NEURL4: variants seen among roughly 807,000 people sequenced by gnomAD.
The protein encoded by NEURL4 is neuralized-like protein 4.
A neutral mutation model predicts 148.0 loss-of-function variants in NEURL4; 45 were observed. The ratio of observed to expected loss-of-function variants is 0.30; its 90% CI spans 0.24 to 0.39. The LOEUF is 0.39. NEURL4 is among the 10% of genes least tolerant of loss of function. The pLI is 1.00. For synonymous variants in NEURL4, 854 were observed against 869.0 expected, an observed-to-expected ratio of 0.98 and a Z score of 0.30; for missense variants, 1,776 against 2,144.0, an observed-to-expected ratio of 0.83 and a Z score of 3.39.
Position 7,318,771 on chromosome 17 carries a change from G to T in NEURL4, c.3685-97C>A. The T allele has an allele frequency of 7.4e-7, 1 of 1,347,172 alleles. No homozygotes were observed. The highest frequency in any genetic ancestry group is 1.0e-6 in the Non-Finnish European group (1 of 991,330). 83.5% of individuals were successfully genotyped at this position (1,347,172 alleles called of 1,614,324 possible). ...TTCCTTTTGCCAGTGCCTTGGCTTT[G>T]CCTCCATGCTTGCCCACTGCCGAGG... On this transcript the variant is annotated intron_variant, in intron 22 of 28. Transcript: ENST00000399464. This position sits in a 1 kb window ranked among gnomAD's most constrained non-coding sequence, Gnocchi z 4.3.
In NEURL4 at chr17:7,323,126, G is replaced by C; in HGVS notation, c.2418-3C>G. 2 of 1,608,610 alleles carry C rather than the reference G, an allele frequency of 1.2e-6. No homozygotes were observed. The highest frequency in any genetic ancestry group is 1.7e-6 in the Non-Finnish European group (2 of 1,176,066). ...CGTCTTGCATGATGGCTGTACCACT[G>C]GGGGGATGGCAGAAGGGGTGAGTCA... On this transcript the variant is annotated splice_polypyrimidine_tract_variant and splice_region_variant and intron_variant, in intron 14 of 28. Coordinates refer to ENST00000399464, the MANE Select transcript of NEURL4 (RefSeq NM_032442.3).
rs1396062309 is a variant in NEURL4, at chr17:7,324,353, G to C, written c.1899+42C>G. On this transcript the variant is annotated intron_variant, in intron 10 of 28. Coordinates refer to ENST00000399464, the MANE Select transcript of NEURL4 (RefSeq NM_032442.3). This position sits in a 1 kb window ranked among gnomAD's most constrained non-coding sequence, Gnocchi z 5.9. ...CCTGCATCAGCCCCGCGGTGTTTGT[G>C]ATGCCCGCTGCGGCCGCCAGGCGGC... The C allele has an allele frequency of 3.1e-6, 5 of 1,613,980 alleles. No individual in the cohort carries two copies. The South Asian group carries it at 5.5e-5, about 18-fold the overall frequency.
Position 7,315,665 on chromosome 17 carries a change from C to CA in NEURL4, c.*457dup. On this transcript the variant is annotated 3_prime_UTR_variant, in exon 29 of 29. Transcript: ENST00000399464. ...CGGTGTTTATTGGCTCCTTAGAAAT[C>CA]AGAGTCAGTAACAACTGTACAGAGG... The CA allele has an allele frequency of 5.0e-6, 2 of 403,300 alleles. No individual in the cohort carries two copies. Among genetic ancestry groups the CA allele is most frequent in the Non-Finnish European group, 8.8e-6 (2 of 228,304 alleles). 25.0% of individuals were successfully genotyped at this position (403,300 alleles called of 1,614,324 possible). A position where few individuals can be genotyped will look rare whatever the true frequency, so the allele number is the denominator to read the frequency against.
rs769326342 is a variant in NEURL4, at chr17:7,324,099, G to C, written c.2062+9C>G. 6.2e-7 allele frequency: 1 copy of C among 1,611,940 alleles called. No individual in the cohort carries two copies. Among genetic ancestry groups the C allele is most frequent in the Middle Eastern group, 1.6e-4 (1 of 6,062 alleles). Reference sequence around the variant, plus strand: ...CTAACCCCCAGCCCCAGCCCAGCCCGGCCCTCACCCACGTCGTCCACAATG... The same window carrying C: ...CTAACCCCCAGCCCCAGCCCAGCCCCGCCCTCACCCACGTCGTCCACAATG... On this transcript the variant is annotated intron_variant, in intron 11 of 28. Transcript: ENST00000399464. This position sits in a 1 kb window ranked among gnomAD's most constrained non-coding sequence, Gnocchi z 5.9.
Position 7,321,468 on chromosome 17 carries a change from G to A in NEURL4, c.3100-9C>T, listed in dbSNP as rs749716915. 3.9e-5 allele frequency: 63 copies of A among 1,613,502 alleles called. No homozygotes were observed. Among genetic ancestry groups the A allele is most frequent in the Non-Finnish European group, 4.9e-5 (58 of 1,179,700 alleles). ...CCCACACGGCTCCCCACCTAGGACC[G>A]AGGTAGGACAAGGACGGACGATGTT... On this transcript the variant is annotated splice_polypyrimidine_tract_variant and intron_variant, in intron 18 of 28. Coordinates refer to ENST00000399464, the MANE Select transcript of NEURL4 (RefSeq NM_032442.3). The surrounding 1 kb of genome is among the most constrained non-coding windows in gnomAD (Gnocchi z 6.3).
At chr17:7,320,731 A>G in intron 21 of NEURL4, 28 bp downstream of exon 21, 1 of 1,599,502 alleles carries the variant, frequency 6.3e-7, no homozygotes, top group African/African-American at 1.3e-5. Flanking sequence ...GGAGCGAGAG[A>G]AGCTGGGGAT....
At position 7,324,670 on chromosome 17, in the gene NEURL4, C is replaced by T; in HGVS notation, c.1813+129G>A. On this transcript the variant is annotated intron_variant, in intron 9 of 28. Coordinates refer to ENST00000399464, the MANE Select transcript of NEURL4 (RefSeq NM_032442.3). This position sits in a 1 kb window ranked among gnomAD's most constrained non-coding sequence, Gnocchi z 5.9. Reference sequence around the variant, plus strand: ...CAGCCACAGCCCTGCCCACGGGACACTCTCTAGCCACTGAATGAGTGGTCA... The same window carrying T: ...CAGCCACAGCCCTGCCCACGGGACATTCTCTAGCCACTGAATGAGTGGTCA... 1 of 1,154,890 alleles carries T rather than the reference C, an allele frequency of 8.7e-7. No homozygotes were observed. The highest frequency in any genetic ancestry group is 1.3e-6 in the Non-Finnish European group (1 of 794,216). 71.5% of individuals were successfully genotyped at this position (1,154,890 alleles called of 1,614,324 possible). A position where few individuals can be genotyped will look rare whatever the true frequency, so the allele number is the denominator to read the frequency against.
intron 26 of NEURL4, 39 bp downstream of exon 26, chr17:7,317,748 GA>G: frequency 1.2e-6 from 2 of 1,606,710 alleles, no homozygotes; most frequent in Non-Finnish European, 1.7e-6. Flanking sequence ...TCTCCAGGGG[GA>G]AAACAGTAGG....
In NEURL4 at chr17:7,323,934, C is replaced by G; in HGVS notation, c.2141G>C (p.Gly714Ala). Residue 714 changes from glycine to alanine, a missense_variant, in exon 12 of 29, where the codon GGC (glycine) becomes GCC (alanine). Coordinates refer to ENST00000399464, the MANE Select transcript of NEURL4 (RefSeq NM_032442.3). ...SPSSPSSGAG[G>A]SDLRFHQLHG... ...CAGCTGATGGAAGCGCAGGTCAGAG[C>G]CCCCGGCCCCTGAGGACGGAGAGCT... 1 of 1,612,958 alleles carries G rather than the reference C, an allele frequency of 6.2e-7. No individual in the cohort carries two copies. The highest frequency in any genetic ancestry group is 8.5e-7 in the Non-Finnish European group (1 of 1,179,906).
At chr17:7,317,640 A>C in intron 26 of NEURL4, 67 bp from the exon 27 acceptor site, 1 of 1,570,682 alleles carries the variant, frequency 6.4e-7, no homozygotes, top group South Asian at 1.1e-5. Context: ...GAGCTTCACG[A>C]GGCTCTTCCT....
Position 7,326,617 on chromosome 17 carries a change from C to G in NEURL4, c.1093-69G>C. 4 of 1,603,728 alleles carry G rather than the reference C, an allele frequency of 2.5e-6. No individual in the cohort carries two copies. Among genetic ancestry groups the G allele is most frequent in the Non-Finnish European group, 3.4e-6 (4 of 1,171,498 alleles). On this transcript the variant is annotated intron_variant, in intron 4 of 28. Transcript: ENST00000399464. The surrounding 1 kb of genome is among the most constrained non-coding windows in gnomAD (Gnocchi z 6.0). The stretch of plus-strand genomic sequence containing the variant: ...AGAAAGGGACCTTCAGCCCTTGGTT[C>G]TTCCCCAGGGCCCACCCTCCTAGCA...
At chr17:7,323,410 G>T in intron 14 of NEURL4, 75 bp downstream of exon 14, 1 of 1,479,800 alleles carries the variant, frequency 6.8e-7, no homozygotes, top group Non-Finnish European at 9.4e-7. Context: ...AGCCACCATA[G>T]GCCCAAACCT....
intron 28 of NEURL4, among the ~76,000 whole-genome samples, chr17:7,316,916 C>CA (rs972949030): frequency 2.0e-5 from 3 of 150,230 alleles, no homozygotes; most frequent in Non-Finnish European, 3.0e-5. Flanking sequence ...GACTCCGTCT[C>CA]AAAAAAAATA....
intron 1 of NEURL4, among the ~76,000 whole-genome samples, chr17:7,328,458 C>CA (rs2143013835): frequency 6.6e-6 from 1 of 152,310 alleles, no homozygotes; most frequent in East Asian, 1.9e-4. Context: ...GGCTGGAGTG[C>CA]AATGGCATGA....
intron 20 of NEURL4, 65 bp from the exon 21 acceptor site, chr17:7,320,988 A>T: frequency 2.5e-6 from 4 of 1,601,412 alleles, no homozygotes; most frequent in Non-Finnish European, 3.4e-6. Context: ...ACCCCACTGG[A>T]GTTTGCACAG....
chr17:7,322,935 G>T lies in NEURL4; in HGVS notation c.2593+13C>A. 1 of 1,612,058 alleles carries T rather than the reference G, an allele frequency of 6.2e-7. No homozygotes were observed. Among genetic ancestry groups the T allele is most frequent in the Non-Finnish European group, 8.5e-7 (1 of 1,178,400 alleles). On this transcript the variant is annotated intron_variant, in intron 15 of 28. Coordinates refer to ENST00000399464, the MANE Select transcript of NEURL4 (RefSeq NM_032442.3). The surrounding 1 kb of genome is among the most constrained non-coding windows in gnomAD (Gnocchi z 5.5). Reference sequence around the variant, plus strand: ...CTGGGCTGAGGGTGGCAGGCTGAAAGCCACATAGTCACCTTTACCCGGAGG... The same window carrying T: ...CTGGGCTGAGGGTGGCAGGCTGAAATCCACATAGTCACCTTTACCCGGAGG...
rs373069299 is a variant in NEURL4 at position 7,318,633 on chromosome 17, T to G, written c.3726A>C (p.Glu1242Asp). The change falls in exon 23 of 29, where the codon GAA becomes GAC. Residue 1242 changes from glutamate (E) to aspartate (D), a missense_variant. Physicochemically the swap from Glu to Asp is conservative, Grantham distance 45. Transcript: ENST00000399464. This position sits in a 1 kb window ranked among gnomAD's most constrained non-coding sequence, Gnocchi z 4.3. ...CCAGCCGCAGTCCCAGGATGGTGCC[T>G]TCAGGGCACGTGTCCAGATTGGGCC... ...KFGPNLDTCPEGTILGLRLDS... is the reference protein window; with the variant it reads ...KFGPNLDTCPDGTILGLRLDS... 53 of 1,613,392 alleles carry G rather than the reference T, an allele frequency of 3.3e-5. No homozygotes were observed. The highest frequency in any genetic ancestry group is 1.6e-4 in the Middle Eastern group (1 of 6,074).
intron 21 of NEURL4, among the ~76,000 whole-genome samples, chr17:7,319,811 A>G (rs1023523575): frequency 6.7e-6 from 1 of 149,666 alleles, no homozygotes; most frequent in African/African-American, 2.4e-5. Flanking sequence ...GACTTCCTTC[A>G]CCTAGCTAGT....
At position 7,323,091 on chromosome 17, in the gene NEURL4, A is replaced by G; in HGVS notation, c.2450T>C (p.Met817Thr). Reference sequence around the variant, plus strand: ...CAGGTCACACCCATAATTGTTGCGCATCGTGTTACCGTCTTGCATGATGGC... The same window carrying G: ...CAGGTCACACCCATAATTGTTGCGCGTCGTGTTACCGTCTTGCATGATGGC... ...GTAIMQDGNT[M>T]RNNYGCDLDA... Residue 817 changes from methionine to threonine, a missense_variant, in exon 15 of 29, where the codon ATG becomes ACG. Met to Thr is a moderately conservative substitution (Grantham distance 81). Coordinates refer to ENST00000399464, the MANE Select transcript of NEURL4 (RefSeq NM_032442.3). The G allele has an allele frequency of 6.2e-7, 1 of 1,613,706 alleles. No individual in the cohort carries two copies. The highest frequency in any genetic ancestry group is 1.7e-5 in the Admixed American group (1 of 60,006).
Sources: allele counts gnomAD v4.1 joint callset (sites outside exome capture counted in the v4.1 genomes callset), GRCh38; gene constraint gnomAD v4.1.1; non-coding constraint Gnocchi (gnomAD v3.1); transcripts MANE v1.5; gene names NCBI Gene and HGNC (gene_info 2026-07-23, HGNC 2026-07-21).